Variants in KCNH5 observed in about 807,000 individuals in gnomAD.
The protein encoded by KCNH5 is voltage-gated delayed rectifier potassium channel KCNH5.
Under a neutral mutation model 96.1 loss-of-function variants are expected in KCNH5, and 46 were observed. That is an observed-to-expected ratio of 0.48 (90% confidence interval 0.38 to 0.61). The LOEUF (loss-of-function observed/expected upper bound fraction) is 0.61, where lower values mean the gene tolerates loss of function less well. Ranked by LOEUF, KCNH5 falls within the 20% of genes least tolerant of loss-of-function variation. The pLI, the probability that KCNH5 is intolerant of heterozygous loss-of-function variation, is 0.00. For synonymous variants in KCNH5, 439 were observed against 449.8 expected (o/e 0.98, Z 0.30); for missense variants, 907 against 1,225.8 (o/e 0.74, Z 3.88).
chr14:62,948,321 G>C (rs1156498181), intron 7 of KCNH5, among the ~76,000 whole-genome samples: 1 of 152,036 alleles, frequency 6.6e-6, no homozygotes, highest in African/African-American at 2.4e-5. Context: ...AGCATATAAA[G>C]GGGATATCAC....
chr14:62,862,322 A>T (rs1888052921), intron 7 of KCNH5, among the ~76,000 whole-genome samples: 2 of 152,328 alleles, frequency 1.3e-5, no homozygotes, highest in South Asian at 4.1e-4. Flanking sequence ...CCTGAGAATG[A>T]TCCCTATGGA....
chr14:62,979,838 G>T (rs1890572367), intron 6 of KCNH5, among the ~76,000 whole-genome samples: 1 of 152,122 alleles, frequency 6.6e-6, no homozygotes. Context: ...GTACTTCTAG[G>T]TGCACTGATA....
chr14:62,988,600 T>G (rs1382528030), intron 4 of KCNH5, among the ~76,000 whole-genome samples: 1 of 151,984 alleles, frequency 6.6e-6, no homozygotes, highest in African/African-American at 2.4e-5. Context: ...TCTTCTACAT[T>G]ATTGGACCCC....
intron 6 of KCNH5, among the ~76,000 whole-genome samples, chr14:62,969,637 T>C (rs1890365681): frequency 6.6e-6 from 1 of 152,002 alleles, no homozygotes; most frequent in Middle Eastern, 3.4e-3. Context: ...AGTTAACGCA[T>C]GCAGGGCTTA....
At chr14:62,765,105 C>G (rs1275531049) in intron 10 of KCNH5, among the ~76,000 whole-genome samples, 1 of 152,106 alleles carries the variant, frequency 6.6e-6, no homozygotes, top group African/African-American at 2.4e-5. Context: ...AGGAATCGCA[C>G]TACCTGACTT....
rs895257008 is a variant in KCNH5 at position 62,700,740 on chromosome 14, T to C, written c.*6768A>G. On this transcript the variant is annotated 3_prime_UTR_variant, in exon 11 of 11. Transcript: ENST00000322893. ...TAGTTTACTAGCTAGGTATTCTTCC[T>C]GTTTGCAGTCTTGGCTTCATCAGGA... 1 of 152,180 alleles carries C rather than the reference T, an allele frequency of 6.6e-6. No homozygotes were observed. The highest frequency in any genetic ancestry group is 6.5e-5 in the Admixed American group (1 of 15,268). The allele number at this position is 152,180 out of a possible 1,614,324, so 9.4% of individuals were successfully genotyped here.
chr14:62,890,208 A>T (rs938403982), intron 7 of KCNH5, among the ~76,000 whole-genome samples: 6 of 152,228 alleles, frequency 3.9e-5, no homozygotes, highest in Admixed American at 6.5e-5. Context: ...AAGCAATCGC[A>T]CCAATAGCAA....
intron 7 of KCNH5, among the ~76,000 whole-genome samples, chr14:62,926,613 G>C (rs188313966): frequency 1.1e-4 from 16 of 152,244 alleles, no homozygotes; most frequent in Non-Finnish European, 2.2e-4. Context: ...TCAGGCTCTG[G>C]TGAGGGCCCT....
At chr14:62,963,752 G>A (rs996970666) in intron 6 of KCNH5, among the ~76,000 whole-genome samples, 2 of 152,094 alleles carry the variant, frequency 1.3e-5, no homozygotes, top group Non-Finnish European at 2.9e-5. Context: ...GTAACAATGT[G>A]TAATCTGAAT....
chr14:62,741,301 G>A (rs75404993), intron 10 of KCNH5, among the ~76,000 whole-genome samples: 4,601 of 152,152 alleles, frequency 0.03, 108 homozygotes, highest in African/African-American at 0.075. Context: ...TAATCAATAG[G>A]CTGGTTTAGA....
At chr14:62,772,713 A>G (rs1555355624) in intron 10 of KCNH5, among the ~76,000 whole-genome samples, 2 of 151,928 alleles carry the variant, frequency 1.3e-5, no homozygotes, top group Non-Finnish European at 2.9e-5. Context: ...TATACTAACC[A>G]GTACAGCAGT....
chr14:62,842,670 T>A (rs989510344), intron 8 of KCNH5, among the ~76,000 whole-genome samples: 2 of 152,204 alleles, frequency 1.3e-5, no homozygotes, highest in Non-Finnish European at 2.9e-5. Flanking sequence ...ACTACTACAG[T>A]TGTCCCATAC....
At chr14:62,872,361 T>C (rs1174073903) in intron 7 of KCNH5, among the ~76,000 whole-genome samples, 2 of 152,218 alleles carry the variant, frequency 1.3e-5, no homozygotes, top group East Asian at 3.8e-4. Flanking sequence ...AGTATTACAT[T>C]GAAATATCTA....
At chr14:62,963,194 T>C (rs1890245357) in intron 6 of KCNH5, among the ~76,000 whole-genome samples, 1 of 152,150 alleles carries the variant, frequency 6.6e-6, no homozygotes, top group African/African-American at 2.4e-5. Context: ...TAGTAATTCT[T>C]CTATGTTGTT....
At chr14:63,027,307 G>C (rs1412872535) in intron 1 of KCNH5, among the ~76,000 whole-genome samples, 1 of 151,818 alleles carries the variant, frequency 6.6e-6, no homozygotes, top group African/African-American at 2.4e-5. Context: ...GCAATATATT[G>C]TATATTTGAA....
chr14:62,772,636 GAAAAAAAA>G (rs3045398), intron 10 of KCNH5, among the ~76,000 whole-genome samples: 4 of 84,730 alleles, frequency 4.7e-5, no homozygotes, highest in East Asian at 6.5e-4. Flanking sequence ...GACTTTGTCT[GAAAAAAAA>G]AAAAAAAAAA....
chr14:62,860,823 G>A (rs909554142), intron 7 of KCNH5, among the ~76,000 whole-genome samples: 5 of 152,190 alleles, frequency 3.3e-5, no homozygotes, highest in Admixed American at 3.3e-4. Context: ...GCTGTCTTAG[G>A]CACTAAGCCA....
intron 10 of KCNH5, among the ~76,000 whole-genome samples, chr14:62,741,555 C>T (rs554406620): frequency 6.6e-6 from 1 of 152,164 alleles, no homozygotes; most frequent in African/African-American, 2.4e-5. Flanking sequence ...TCCCCCAACC[C>T]AATGATAACA....
At chr14:62,943,911 T>A (rs1889838058) in intron 7 of KCNH5, among the ~76,000 whole-genome samples, 1 of 152,156 alleles carries the variant, frequency 6.6e-6, no homozygotes, top group Non-Finnish European at 1.5e-5. Flanking sequence ...ATTTCCCATG[T>A]TGGGCAAATA....
Sources: gnomAD v4.1 joint callset for allele counts (sites outside exome capture counted in the v4.1 genomes callset) on GRCh38, gnomAD v4.1.1 for gene constraint, MANE v1.5 for transcripts, NCBI Gene and HGNC (gene_info 2026-07-23, HGNC 2026-07-21) for gene names.